Variants in DOK5 observed in about 807,000 individuals in gnomAD.
The protein encoded by DOK5 is downstream of tyrosine kinase 5.
In DOK5, 27 loss-of-function variants were observed where a neutral mutation model predicts 43.3. The ratio of observed to expected loss-of-function variants is 0.62; its 90% CI spans 0.46 to 0.86. DOK5 has a LOEUF of 0.86. Ranked by LOEUF, DOK5 falls within the 40% of genes least tolerant of loss-of-function variation. The pLI is 0.00. For missense variants in DOK5, 373 were observed against 392.9 expected, an observed-to-expected ratio of 0.95 and a Z score of 0.43; for synonymous variants, 146 against 140.1, an observed-to-expected ratio of 1.04 and a Z score of -0.30.
chr20:54,543,545 G>C (rs1984236713), intron 1 of DOK5, among the ~76,000 whole-genome samples: 1 of 147,212 alleles, frequency 6.8e-6, no homozygotes, highest in Non-Finnish European at 1.5e-5. Context: ...GAATTGCTGT[G>C]TGTGTGTGTG....
At chr20:54,557,031 G>A (rs1984729384) in intron 2 of DOK5, among the ~76,000 whole-genome samples, 1 of 152,178 alleles carries the variant, frequency 6.6e-6, no homozygotes, top group Non-Finnish European at 1.5e-5. Context: ...AAATGGTGTT[G>A]GCTGTATGCT....
intron 1 of DOK5, among the ~76,000 whole-genome samples, chr20:54,553,923 T>C (rs1234998174): frequency 6.6e-6 from 1 of 151,346 alleles, no homozygotes; most frequent in East Asian, 1.9e-4. Context: ...AAAATTATAC[T>C]TAGTAATTTT....
At chr20:54,639,745 C>T (rs1056331548) in intron 6 of DOK5, among the ~76,000 whole-genome samples, 6 of 152,142 alleles carry the variant, frequency 3.9e-5, no homozygotes, top group Middle Eastern at 3.2e-3. Context: ...GAAGGACATA[C>T]AGCAAAACCA....
At chr20:54,583,816 C>G (rs1985712970) in intron 2 of DOK5, among the ~76,000 whole-genome samples, 1 of 151,972 alleles carries the variant, frequency 6.6e-6, no homozygotes, top group Non-Finnish European at 1.5e-5. Flanking sequence ...TATCGTTGGA[C>G]CTGGTTTTTA....
chr20:54,594,718 A>G (rs1437681983), intron 5 of DOK5, among the ~76,000 whole-genome samples: 1 of 152,196 alleles, frequency 6.6e-6, no homozygotes, highest in East Asian at 1.9e-4. Flanking sequence ...TAGTAGAAAA[A>G]AAGTATAGCT....
At chr20:54,591,882 T>A (rs1340806834) in intron 5 of DOK5, 77 bp downstream of exon 5, 1 of 1,348,008 alleles carries the variant, frequency 7.4e-7, no homozygotes, top group African/African-American at 1.4e-5. Flanking sequence ...TCGCATCATA[T>A]GAGGCGGTAG....
chr20:54,579,718 C>A (rs572903816), intron 2 of DOK5, among the ~76,000 whole-genome samples: 1 of 152,184 alleles, frequency 6.6e-6, no homozygotes, highest in South Asian at 2.1e-4. Flanking sequence ...CGTGTTGGAG[C>A]ATATGACAGA....
intron 1 of DOK5, among the ~76,000 whole-genome samples, chr20:54,517,080 GT>G (rs1267449789): frequency 1.3e-5 from 2 of 152,100 alleles, no homozygotes; most frequent in Non-Finnish European, 2.9e-5. Flanking sequence ...TGAAAATAAT[GT>G]TGTGTGCAAA....
At chr20:54,581,333 G>C (rs1219013972) in intron 2 of DOK5, among the ~76,000 whole-genome samples, 3 of 150,096 alleles carry the variant, frequency 2.0e-5, no homozygotes, top group African/African-American at 7.3e-5. Flanking sequence ...TGATTGTTTT[G>C]ACTATATAAG....
intron 1 of DOK5, among the ~76,000 whole-genome samples, chr20:54,524,081 C>T (rs1477758941): frequency 6.6e-6 from 1 of 152,156 alleles, no homozygotes. Context: ...CACCCTACTC[C>T]ATGCATCTCC....
At chr20:54,576,976 G>A (rs897407125) in intron 2 of DOK5, among the ~76,000 whole-genome samples, 2 of 152,118 alleles carry the variant, frequency 1.3e-5, no homozygotes, top group African/African-American at 4.8e-5. Context: ...AAGACCATTT[G>A]CATCTTTAAT....
chr20:54,484,144 C>T (rs1392562749), intron 1 of DOK5, among the ~76,000 whole-genome samples: 3 of 151,988 alleles, frequency 2.0e-5, no homozygotes, highest in African/African-American at 4.8e-5. Context: ...TTTGGGAGGC[C>T]GAGGCGGGTG....
At chr20:54,637,090 A>G (rs1331241904) in intron 6 of DOK5, among the ~76,000 whole-genome samples, 2 of 152,184 alleles carry the variant, frequency 1.3e-5, no homozygotes, top group African/African-American at 2.4e-5. Context: ...TCTTAGTTCC[A>G]TGAGAAAAGA....
chr20:54,476,829 T>C, intron 1 of DOK5, among the ~76,000 whole-genome samples: 1 of 152,182 alleles, frequency 6.6e-6, no homozygotes, highest in East Asian at 1.9e-4. Context: ...GGCTCTTCGC[T>C]GGAGGAGGCT....
chr20:54,501,199 G>A (rs894607277), intron 1 of DOK5, among the ~76,000 whole-genome samples: 2 of 151,622 alleles, frequency 1.3e-5, no homozygotes, highest in African/African-American at 4.9e-5. Context: ...TGGGCGCGGT[G>A]GCTCACGCCT....
chr20:54,580,189 C>A (rs879846747), intron 2 of DOK5, among the ~76,000 whole-genome samples: 5 of 152,096 alleles, frequency 3.3e-5, no homozygotes, highest in Admixed American at 6.6e-5. Flanking sequence ...CAAGCAACCC[C>A]ATCAAAAAGT....
intron 7 of DOK5, among the ~76,000 whole-genome samples, chr20:54,647,017 C>CCCCTGCTG (rs1265057386): frequency 1.6e-4 from 24 of 151,850 alleles, no homozygotes; most frequent in African/African-American, 5.6e-4. Flanking sequence ...CTTCGAGAGC[C>CCCCTGCTG]CCCTGCTGGT....
intron 6 of DOK5, among the ~76,000 whole-genome samples, chr20:54,629,870 G>A (rs1978481831): frequency 6.6e-6 from 1 of 152,240 alleles, no homozygotes; most frequent in Non-Finnish European, 1.5e-5. Flanking sequence ...AAGCCCTGAG[G>A]CAGTCTGTGC....
chr20:54,650,526 A>G lies in DOK5; in HGVS notation c.*47A>G, dbSNP rs1376912699. On this transcript the variant is annotated 3_prime_UTR_variant, in exon 8 of 8. Transcript: ENST00000262593. Reference sequence around the variant, plus strand: ...AACACACTTGTGATGTGTCAGCCACAGATTCACCCAGGAGGTCACAGAATG... The same window carrying G: ...AACACACTTGTGATGTGTCAGCCACGGATTCACCCAGGAGGTCACAGAATG... The G allele has an allele frequency of 6.4e-7, 1 of 1,571,614 alleles. No homozygotes were observed. The highest frequency in any genetic ancestry group is 1.7e-5 in the Admixed American group (1 of 59,142).
Sources: allele counts gnomAD v4.1 joint callset (sites outside exome capture counted in the v4.1 genomes callset), GRCh38; gene constraint gnomAD v4.1.1; transcripts MANE v1.5; gene names NCBI Gene and HGNC (gene_info 2026-07-23, HGNC 2026-07-21).